MSH3: variants seen among roughly 807,000 people sequenced by gnomAD.
MSH3 encodes mutS homolog 3, also known as DNA mismatch repair protein Msh3.
Under a neutral mutation model 123.3 loss-of-function variants are expected in MSH3, and 106 were observed. That is an observed-to-expected ratio of 0.86 (90% confidence interval 0.73 to 1.01). The LOEUF is 1.01. MSH3 is among the 50% of genes least tolerant of loss of function. The pLI is 0.00. For missense variants in MSH3, 1,459 were observed against 1,347.6 expected, an observed-to-expected ratio of 1.08 and a Z score of -1.29; for synonymous variants, 515 against 481.4, an observed-to-expected ratio of 1.07 and a Z score of -0.91.
In MSH3 at chr5:80,693,495, GTA is replaced by G. The variant is rs547746051; in HGVS notation, c.1340+14406_1340+14407del. 1.7e-3 allele frequency among the ~76,000 whole-genome samples: 252 copies of G among 149,282 alleles called. 3 individuals are homozygous for G. Among genetic ancestry groups the G allele is most frequent in the African/African-American group, 5.9e-3 (239 of 40,322 alleles). On this transcript the variant is annotated intron_variant, in intron 8 of 23. Coordinates refer to ENST00000265081, the MANE Select transcript of MSH3 (RefSeq NM_002439.5). ...TATATGTTTATATAAATATGCACATGTATATGTTTATATAAATATGCACATGT... is the reference window on the plus strand; with the variant it reads ...TATATGTTTATATAAATATGCACATGTATGTTTATATAAATATGCACATGT...
intron 19 of MSH3, among the ~76,000 whole-genome samples, chr5:80,793,648 TAGC>T (rs1744646896): frequency 6.6e-6 from 1 of 152,148 alleles, no homozygotes; most frequent in Admixed American, 6.5e-5. Flanking sequence ...AAGTGAAGCA[TAGC>T]AGGAGGAATT....
chr5:80,694,311 C>CT (rs1466402810), intron 8 of MSH3, among the ~76,000 whole-genome samples: 2 of 152,112 alleles, frequency 1.3e-5, no homozygotes, highest in African/African-American at 4.8e-5. Flanking sequence ...AGTCATGTAG[C>CT]TTTTTTACAG....
chr5:80,830,853 G>T (rs991043179), intron 20 of MSH3, among the ~76,000 whole-genome samples: 1 of 152,276 alleles, frequency 6.6e-6, no homozygotes, highest in East Asian at 1.9e-4. Context: ...GTGTTTCCAC[G>T]GAAATTGAAA....
At chr5:80,684,858 G>A (rs1016902259) in intron 8 of MSH3, among the ~76,000 whole-genome samples, 3 of 151,926 alleles carry the variant, frequency 2.0e-5, no homozygotes, top group Admixed American at 2.0e-4. Flanking sequence ...TTGTTTGAGA[G>A]TTTTTATTAT....
At position 80,776,725 on chromosome 5, in the gene MSH3, A is replaced by C. The variant is rs576228483; in HGVS notation, c.2318+967A>C. On this transcript the variant is annotated intron_variant, in intron 16 of 23. Transcript: ENST00000265081. ...ATATTTATTAGTACTGTTATCAATA[A>C]GTTGCACAAACATGAGATGAAAATG... is the stretch of plus-strand genomic sequence containing the variant. Among the ~76,000 whole-genome samples, 4 of 151,926 alleles carry C rather than the reference A, an allele frequency of 2.6e-5. No homozygotes were observed. In the South Asian group the frequency reaches 8.3e-4, roughly 31 times the overall value.
At chr5:80,742,003 C>CTTT (rs565490803) in intron 11 of MSH3, among the ~76,000 whole-genome samples, 2 of 144,858 alleles carry the variant, frequency 1.4e-5, no homozygotes, top group Non-Finnish European at 1.5e-5. Flanking sequence ...TGCAAACTTT[C>CTTT]TTTTTTTTTT....
intron 20 of MSH3, among the ~76,000 whole-genome samples, chr5:80,849,439 G>C (rs1464818560): frequency 6.6e-6 from 1 of 152,218 alleles, no homozygotes; most frequent in Non-Finnish European, 1.5e-5. Context: ...CCTAGCAGAG[G>C]TTCTCCATGA....
At chr5:80,655,181 A>AT (rs1687181491) in intron 1 of MSH3, 1 of 417,734 alleles carries the variant, frequency 2.4e-6, no homozygotes, top group Non-Finnish European at 4.2e-6. Flanking sequence ...GGCAAAGGTT[A>AT]TGCAGGTTTT....
chr5:80,858,161 C>G (rs1223595130), intron 21 of MSH3, among the ~76,000 whole-genome samples: 2 of 152,146 alleles, frequency 1.3e-5, no homozygotes, highest in Admixed American at 1.3e-4. Flanking sequence ...CCTTCTGCCT[C>G]AGCCTCCCAT....
chr5:80,666,054 ATT>A (rs1749561416), intron 3 of MSH3, among the ~76,000 whole-genome samples: 1 of 152,074 alleles, frequency 6.6e-6, no homozygotes, highest in African/African-American at 2.4e-5. Flanking sequence ...AAAAGTTTAC[ATT>A]TTATTTTGTA....
chr5:80,873,017 AC>A, intron 22 of MSH3, 98 bp from the exon 23 acceptor site: 2 of 1,059,706 alleles, frequency 1.9e-6, no homozygotes, highest in Non-Finnish European at 2.9e-6. Context: ...TTCAGATTGT[AC>A]GATTTAATAA....
At chr5:80,841,749 GTTGT>G (rs1371814337) in intron 20 of MSH3, among the ~76,000 whole-genome samples, 4 of 152,130 alleles carry the variant, frequency 2.6e-5, no homozygotes, top group South Asian at 2.1e-4. Flanking sequence ...TTTTGATGGG[GTTGT>G]TTGTTTTTTT....
rs529116529 is a variant in MSH3 at position 80,734,987 on chromosome 5, G to A, written c.1568+6022G>A. 3.3e-5 allele frequency among the ~76,000 whole-genome samples: 5 copies of A among 152,292 alleles called. No homozygotes were observed. The East Asian group carries it at 9.6e-4, about 29-fold the overall frequency. On this transcript the variant is annotated intron_variant, in intron 10 of 23. Coordinates refer to ENST00000265081, the MANE Select transcript of MSH3 (RefSeq NM_002439.5). The stretch of plus-strand genomic sequence containing the variant: ...ATGATTGGAGGACATTTCTCATGCA[G>A]TTACTTTTTTATGAATGAAAGCAGA...
chr5:80,801,615 G>C (rs887054880), intron 19 of MSH3, among the ~76,000 whole-genome samples: 2 of 152,138 alleles, frequency 1.3e-5, no homozygotes, highest in African/African-American at 4.8e-5. Context: ...CCCCAAGTCT[G>C]CCCAGGTTCA....
intron 2 of MSH3, among the ~76,000 whole-genome samples, chr5:80,664,873 A>T (rs894009153): frequency 1.3e-5 from 2 of 151,854 alleles, no homozygotes; most frequent in Admixed American, 6.6e-5. Context: ...TTATGGGCTT[A>T]TGTCTTCAAA....
chr5:80,761,716 C>T (rs1744039176), intron 13 of MSH3, 38 bp downstream of exon 13: 1 of 1,610,748 alleles, frequency 6.2e-7, no homozygotes, highest in African/African-American at 1.3e-5. Context: ...TGACAGTGTT[C>T]TTCAGCTTGA....
At chr5:80,856,709 A>G (rs1001889113) in intron 21 of MSH3, among the ~76,000 whole-genome samples, 1 of 152,084 alleles carries the variant, frequency 6.6e-6, no homozygotes, top group Admixed American at 6.6e-5. Context: ...AATAATAATA[A>G]AAAAAAGAAA....
At chr5:80,701,300 A>G (rs917307079) in intron 8 of MSH3, among the ~76,000 whole-genome samples, 25 of 152,196 alleles carry the variant, frequency 1.6e-4, no homozygotes, top group African/African-American at 4.3e-4. Context: ...CATGGCTTCA[A>G]TAACCCTGGC....
In MSH3 at chr5:80,656,535, A is replaced by G. The variant is rs1749294111; in HGVS notation, c.358+4A>G. ...CTGGGAATGTCTGGCAACTCTGGTG[A>G]GTTGTGGGGGATTCTTTTTTCTCCT... On this transcript the variant is annotated splice_donor_region_variant and intron_variant, in intron 2 of 23. Coordinates refer to ENST00000265081, the MANE Select transcript of MSH3 (RefSeq NM_002439.5). 6.2e-7 allele frequency: 1 copy of G among 1,613,988 alleles called. No homozygotes were observed. Among genetic ancestry groups the G allele is most frequent in the African/African-American group, 1.3e-5 (1 of 74,936 alleles).
Sources: allele counts gnomAD v4.1 joint callset (sites outside exome capture counted in the v4.1 genomes callset), GRCh38; gene constraint gnomAD v4.1.1; transcripts MANE v1.5; gene names NCBI Gene and HGNC (gene_info 2026-07-23, HGNC 2026-07-21).